CEP97: variants seen among roughly 807,000 people sequenced by gnomAD.
CEP97 encodes the protein centrosomal protein 97, also known as centrosomal protein of 97 kDa.
CEP97 carries 43 observed loss-of-function variants against 73.1 expected under a neutral mutation model. That is an observed-to-expected ratio of 0.59 (90% CI 0.46 to 0.76). The LOEUF (loss-of-function observed/expected upper bound fraction) is 0.76, where lower values mean the gene tolerates loss of function less well. Ranked by LOEUF, CEP97 falls within the 30% of genes least tolerant of loss-of-function variation. The probability of loss-of-function intolerance (pLI) is 0.00; values close to 1 mark genes in which losing one functional copy is unlikely to be tolerated. For synonymous variants in CEP97, 337 were observed against 370.0 expected, an observed-to-expected ratio of 0.91 and a Z score of 1.02; for missense variants, 939 against 1,014.0, an observed-to-expected ratio of 0.93 and a Z score of 1.00.
Position 101,726,726 on chromosome 3 carries a change from G to A in CEP97, c.176G>A (p.Arg59Gln), listed in dbSNP as rs111912421. ...TTGGAAAATCTGGAGAAATGCAAAC[G>A]ATTAATACAGGTAGGTATTGCAATC... The part of the protein sequence containing the change: ...IKLENLEKCK[R>Q]LIQLSVANNR... The change falls in exon 2 of 11, where the codon CGA (arginine) becomes CAA (glutamine). Residue 59 changes from arginine to glutamine, a missense_variant. Transcript: ENST00000341893. The A allele has an allele frequency of 5.3e-3, 8,553 of 1,601,490 alleles. 33 individuals are homozygous for A. The highest frequency in any genetic ancestry group is 0.015 in the Middle Eastern group (87 of 5,810).
At position 101,728,894 on chromosome 3, in the gene CEP97, A is replaced by G; in HGVS notation, c.404A>G (p.Asn135Ser). 6.2e-7 allele frequency: 1 copy of G among 1,605,180 alleles called. No individual in the cohort carries two copies. The highest frequency in any genetic ancestry group is 8.5e-7 in the Non-Finnish European group (1 of 1,171,770). ...ALQHLDLSDNNISQIGDLSKL... is the reference protein window; with the variant it reads ...ALQHLDLSDNSISQIGDLSKL... The stretch of plus-strand genomic sequence containing the variant: ...CAGCATCTCGATTTATCAGACAATA[A>G]TATATCCCAGATAGGTGATCTATCT... The change falls in exon 4 of 11, where the codon AAT becomes AGT. Residue 135 changes from asparagine to serine, a missense_variant. By Grantham distance (46) the Asn-to-Ser change is conservative. Transcript: ENST00000341893.
intron 2 of CEP97, 57 bp from the exon 3 acceptor site, chr3:101,727,326 T>C: frequency 7.0e-7 from 1 of 1,425,258 alleles, no homozygotes; most frequent in Non-Finnish European, 9.7e-7. Context: ...ATCACTTTAA[T>C]GTGAAATATT....
intron 6 of CEP97, among the ~76,000 whole-genome samples, chr3:101,745,069 A>T (rs1171218994): frequency 1.3e-5 from 2 of 152,190 alleles, no homozygotes; most frequent in African/African-American, 2.4e-5. Flanking sequence ...TGGAGAGACA[A>T]GCATCTTTGT....
chr3:101,737,902 A>T (rs181054584), intron 6 of CEP97, among the ~76,000 whole-genome samples: 289 of 151,934 alleles, frequency 1.9e-3, no homozygotes, highest in Middle Eastern at 0.017. Flanking sequence ...GGCAAATTGG[A>T]TAAAGAATCA....
intron 6 of CEP97, among the ~76,000 whole-genome samples, chr3:101,749,919 T>C (rs1406417617): frequency 6.7e-6 from 1 of 149,878 alleles, no homozygotes; most frequent in African/African-American, 2.5e-5. Context: ...GAGTAGGTTG[T>C]GAAAATTTTC....
intron 6 of CEP97, among the ~76,000 whole-genome samples, chr3:101,745,078 G>T (rs901007160): frequency 6.6e-6 from 1 of 152,180 alleles, no homozygotes; most frequent in Middle Eastern, 3.2e-3. Context: ...AAGCATCTTT[G>T]TGTGGCACCT....
intron 6 of CEP97, among the ~76,000 whole-genome samples, chr3:101,742,033 C>A (rs1288911907): frequency 6.9e-6 from 1 of 145,738 alleles, no homozygotes; most frequent in Admixed American, 6.9e-5. Context: ...CAGAGTGAGA[C>A]TCCGTCTCAA....
rs1317824253 is a variant in CEP97 at position 101,732,422 on chromosome 3, TC to T, written c.562-65del. On this transcript the variant is annotated intron_variant, in intron 5 of 10. Coordinates refer to ENST00000341893, the MANE Select transcript of CEP97 (RefSeq NM_024548.4). The stretch of plus-strand genomic sequence containing the variant: ...CTCAAATGCTGCCAAAGATATGTAA[TC>T]AGTGGAAATTTTGTGCTTGACACTG... 131 of 1,075,160 alleles carry T rather than the reference TC, an allele frequency of 1.2e-4. No homozygotes were observed. In the Middle Eastern group the frequency reaches 1.2e-3, roughly 10 times the overall value. 66.6% of individuals were successfully genotyped at this position (1,075,160 alleles called of 1,614,324 possible). A position where few individuals can be genotyped will look rare whatever the true frequency, so the allele number is the denominator to read the frequency against.
chr3:101,741,865 C>T (rs1280587556), intron 6 of CEP97, among the ~76,000 whole-genome samples: 1 of 151,874 alleles, frequency 6.6e-6, no homozygotes, highest in African/African-American at 2.4e-5. Flanking sequence ...CATGGTGAAA[C>T]CCCATCTCTA....
chr3:101,755,008 C>T (rs905852601), intron 6 of CEP97, among the ~76,000 whole-genome samples: 2 of 151,746 alleles, frequency 1.3e-5, no homozygotes, highest in Non-Finnish European at 2.9e-5. Flanking sequence ...GATCCTCCCA[C>T]CCCAACTCCT....
chr3:101,750,554 G>T (rs1488287242), intron 6 of CEP97, among the ~76,000 whole-genome samples: 1 of 152,140 alleles, frequency 6.6e-6, no homozygotes, highest in Non-Finnish European at 1.5e-5. Flanking sequence ...GACTCTTTTT[G>T]GTTGGTAAGG....
At chr3:101,743,820 C>A (rs887548346) in intron 6 of CEP97, among the ~76,000 whole-genome samples, 6 of 151,846 alleles carry the variant, frequency 4.0e-5, no homozygotes, top group African/African-American at 1.5e-4. Context: ...CTGACCAATA[C>A]AGAGAAACCC....
intron 9 of CEP97, among the ~76,000 whole-genome samples, chr3:101,759,752 G>A (rs1347843871): frequency 6.6e-6 from 1 of 152,134 alleles, no homozygotes; most frequent in Non-Finnish European, 1.5e-5. Flanking sequence ...ACTGCACAGT[G>A]ACCTTCCCAA....
chr3:101,761,321 A>G (rs115333637), intron 9 of CEP97, among the ~76,000 whole-genome samples: 112 of 152,284 alleles, frequency 7.4e-4, no homozygotes, highest in African/African-American at 2.5e-3. Context: ...CCATTTCTGA[A>G]AGTAGTGTAG....
chr3:101,758,526 A>G, intron 9 of CEP97, 103 bp downstream of exon 9: 1 of 1,383,890 alleles, frequency 7.2e-7, no homozygotes, highest in Non-Finnish European at 9.9e-7. Flanking sequence ...AACACTTTTC[A>G]CACAATGTAG....
chr3:101,756,896 T>G (rs1296556852), intron 7 of CEP97, among the ~76,000 whole-genome samples, 167 bp from the exon 8 acceptor site: 3 of 152,238 alleles, frequency 2.0e-5, no homozygotes, highest in South Asian at 4.1e-4. Context: ...CTTCTTAACT[T>G]TCTTTATCCA....
intron 10 of CEP97, among the ~76,000 whole-genome samples, chr3:101,762,851 A>C (rs1229309292): frequency 6.6e-6 from 1 of 152,204 alleles, no homozygotes; most frequent in Non-Finnish European, 1.5e-5. Context: ...CAACAACCCC[A>C]ATTTGAAATT....
At position 101,758,003 on chromosome 3, in the gene CEP97, T is replaced by C; in HGVS notation, c.1397T>C (p.Met466Thr). ...LWAANENSVQ[M>T]MRSEINTEVN... Reference sequence around the variant, plus strand: ...GCTGCAAATGAGAATTCTGTTCAAATGATGAGAAGTGAAATCAATACAGAG... The same window carrying C: ...GCTGCAAATGAGAATTCTGTTCAAACGATGAGAAGTGAAATCAATACAGAG... Residue 466 changes from methionine (M) to threonine (T), a missense_variant, in exon 9 of 11, where the codon ATG (methionine) becomes ACG (threonine). Met to Thr is a moderately conservative substitution (Grantham distance 81, BLOSUM62 -1). Coordinates refer to ENST00000341893, the MANE Select transcript of CEP97 (RefSeq NM_024548.4). 3.1e-6 allele frequency: 5 copies of C among 1,614,200 alleles called. No homozygotes were observed. Among genetic ancestry groups the C allele is most frequent in the Non-Finnish European group, 4.2e-6 (5 of 1,180,030 alleles).
chr3:101,731,262 G>A (rs1003000747), intron 4 of CEP97, among the ~76,000 whole-genome samples: 2 of 148,534 alleles, frequency 1.3e-5, no homozygotes, highest in African/African-American at 5.0e-5. Context: ...GTGCAGTGGT[G>A]CAGTCATGGC....
Sources: gnomAD v4.1 joint callset for allele counts (sites outside exome capture counted in the v4.1 genomes callset) on GRCh38, gnomAD v4.1.1 for gene constraint, MANE v1.5 for transcripts, NCBI Gene and HGNC (gene_info 2026-07-23, HGNC 2026-07-21) for gene names.